Variants in PCDHGA8 observed in about 807,000 individuals in gnomAD.
The protein encoded by PCDHGA8 is protocadherin gamma subfamily A, 8.
A neutral mutation model predicts 59.2 loss-of-function variants in PCDHGA8; 45 were observed. The ratio of observed to expected loss-of-function variants is 0.76; its 90% CI spans 0.60 to 0.98. The LOEUF is 0.98. PCDHGA8 is among the 50% of genes least tolerant of loss of function. The pLI is 0.00. For synonymous variants in PCDHGA8, 531 were observed against 519.0 expected (o/e 1.02, Z -0.32); for missense variants, 1,257 against 1,196.2 (o/e 1.05, Z -0.75).
Position 141,489,276 on chromosome 5 carries a change from AT to A in PCDHGA8, c.2425-5530del, listed in dbSNP as rs2099684949. 1.9e-6 allele frequency: 3 copies of A among 1,556,004 alleles called. No homozygotes were observed. Among genetic ancestry groups the A allele is most frequent in the Non-Finnish European group, 2.6e-6 (3 of 1,151,570 alleles). ...AGACACTCCCACAGCTCGCTGGGAA[AT>A]GGCAAGTGCTGTGCATGTTGTCCTT... On this transcript the variant is annotated intron_variant, in intron 1 of 3. Coordinates refer to ENST00000398604, the MANE Select transcript of PCDHGA8 (RefSeq NM_032088.2). This position sits in a 1 kb window ranked among gnomAD's most constrained non-coding sequence, Gnocchi z 4.5.
Position 141,486,979 on chromosome 5 carries a change from C to T in PCDHGA8, c.2425-7828C>T. On this transcript the variant is annotated intron_variant, in intron 1 of 3. Transcript: ENST00000398604. This position sits in a 1 kb window ranked among gnomAD's most constrained non-coding sequence, Gnocchi z 5.0. ...CTGCTGTGGACTTGGATTCAGGTTACAATGCTTGGGTTTCCTATCAGCTCC... is the reference window on the plus strand; with the variant it reads ...CTGCTGTGGACTTGGATTCAGGTTATAATGCTTGGGTTTCCTATCAGCTCC... 6.2e-7 allele frequency: 1 copy of T among 1,614,200 alleles called. No individual in the cohort carries two copies. Among genetic ancestry groups the T allele is most frequent in the Non-Finnish European group, 8.5e-7 (1 of 1,180,032 alleles).
Position 141,511,035 on chromosome 5 carries a change from C to A in PCDHGA8, c.2661C>A (p.His887Gln). Residue 887 changes from histidine to glutamine, a missense_variant, in exon 4 of 4, where the codon CAC becomes CAA. Physicochemically the swap from His to Gln is conservative, Grantham distance 24 (BLOSUM62 0). Transcript: ENST00000398604. The stretch of plus-strand genomic sequence containing the variant: ...ACGGACCCCAGTTCACCCTGCAGCA[C>A]GTGCCCGACTACCGCCAGAATGTCT... ...ARYGPQFTLQ[H>Q]VPDYRQNVYI... 2 of 1,614,208 alleles carry A rather than the reference C, an allele frequency of 1.2e-6. No individual in the cohort carries two copies. The highest frequency in any genetic ancestry group is 1.1e-5 in the South Asian group (1 of 91,088).
intron 1 of PCDHGA8, chr5:141,419,140 G>A (rs1359933027): frequency 1.2e-6 from 2 of 1,613,750 alleles, no homozygotes; most frequent in East Asian, 2.2e-5. Flanking sequence ...CCACAGACAG[G>A]GGCAAGCCTC....
At chr5:141,484,102 A>T (rs1404220648) in intron 1 of PCDHGA8, among the ~76,000 whole-genome samples, 1 of 152,206 alleles carries the variant, frequency 6.6e-6, no homozygotes, top group African/African-American at 2.4e-5. Flanking sequence ...GTTGGTAATT[A>T]ACAAAAGATC....
chr5:141,430,155 A>G (rs1440666899), intron 1 of PCDHGA8, among the ~76,000 whole-genome samples: 7 of 152,184 alleles, frequency 4.6e-5, no homozygotes, highest in Admixed American at 1.3e-4. Flanking sequence ...CATTCAAGGA[A>G]TCTATTTAAA....
intron 1 of PCDHGA8, chr5:141,409,866 G>A (rs1268327848): frequency 3.7e-6 from 6 of 1,612,258 alleles, no homozygotes; most frequent in East Asian, 4.5e-5. Context: ...GTGGGAGACC[G>A]CAATGACAAC....
chr5:141,414,289 C>T (rs1435700383), intron 1 of PCDHGA8: 1 of 1,613,394 alleles, frequency 6.2e-7, no homozygotes, highest in African/African-American at 1.3e-5. Flanking sequence ...AGTCGTAGCC[C>T]TTTTAAATGT....
intron 1 of PCDHGA8, chr5:141,422,819 TGA>T (rs766395950): frequency 1.9e-5 from 31 of 1,614,068 alleles, no homozygotes; most frequent in Middle Eastern, 1.6e-4. Flanking sequence ...GACTTAGAAC[TGA>T]GAGTGATAGC....
In PCDHGA8 at chr5:141,393,602, T is replaced by G; in HGVS notation, c.789T>G (p.Thr263=). 1 of 1,613,892 alleles carries G rather than the reference T, an allele frequency of 6.2e-7. No individual in the cohort carries two copies. The highest frequency in any genetic ancestry group is 8.5e-7 in the Non-Finnish European group (1 of 1,179,892). Residue 263 remains threonine (T), a synonymous_variant, in exon 1 of 4, where the codon ACT becomes ACG. Coordinates refer to ENST00000398604, the MANE Select transcript of PCDHGA8 (RefSeq NM_032088.2). ...TGCCCCCAGGCACGCGGCTGCTTAC[T>G]GTAACAGCCAGCGACCCGGATGAGG... ...ENMPPGTRLL[T]VTASDPDEGI... is the part of the protein sequence containing the mutation.
rs187495695 is a variant in PCDHGA8, at chr5:141,486,508, T to G, written c.2425-8299T>G. The G allele has an allele frequency of 9.3e-6, 15 of 1,614,172 alleles. No homozygotes were observed. In the Admixed American group the frequency reaches 2.5e-4, roughly 27 times the overall value. The stretch of plus-strand genomic sequence containing the variant: ...CCCACAGAACTATTTTCCTCAATAT[T>G]TCAGATGTGAATGATAATCCACCCT... On this transcript the variant is annotated intron_variant, in intron 1 of 3. Coordinates refer to ENST00000398604, the MANE Select transcript of PCDHGA8 (RefSeq NM_032088.2). The surrounding 1 kb of genome is among the most constrained non-coding windows in gnomAD (Gnocchi z 5.0).
chr5:141,417,782 C>T (rs2096161767), intron 1 of PCDHGA8: 1 of 1,473,310 alleles, frequency 6.8e-7, no homozygotes, highest in Non-Finnish European at 9.0e-7. Flanking sequence ...CTGTCCTGGG[C>T]CGAATGCTCT....
At chr5:141,408,716 A>G in intron 1 of PCDHGA8, 2 of 1,611,732 alleles carry the variant, frequency 1.2e-6, no homozygotes, top group East Asian at 2.2e-5. Context: ...AGATTATAAG[A>G]TAAACTCTAA....
rs200868391 is a variant in PCDHGA8 at position 141,415,586 on chromosome 5, C to T, written c.2424+20349C>T. 540 of 1,613,746 alleles carry T rather than the reference C, an allele frequency of 3.3e-4. No individual in the cohort carries two copies. Among genetic ancestry groups the T allele is most frequent in the Non-Finnish European group, 4.5e-4 (527 of 1,179,996 alleles). ...TCTTTGTTAGATGATTCGAAGTTTCCTATAGAGGATACCCCATTGGTTCCA... is the reference window on the plus strand; with the variant it reads ...TCTTTGTTAGATGATTCGAAGTTTCTTATAGAGGATACCCCATTGGTTCCA... On this transcript the variant is annotated intron_variant, in intron 1 of 3. Coordinates refer to ENST00000398604, the MANE Select transcript of PCDHGA8 (RefSeq NM_032088.2).
intron 1 of PCDHGA8, among the ~76,000 whole-genome samples, chr5:141,407,274 A>G (rs763803896): frequency 2.0e-5 from 3 of 152,232 alleles, no homozygotes; most frequent in Non-Finnish European, 2.9e-5. Context: ...GCAACAAGAA[A>G]ATTGTTACAA....
chr5:141,414,486 AACGG>A, intron 1 of PCDHGA8: 1 of 1,613,938 alleles, frequency 6.2e-7, no homozygotes, highest in Non-Finnish European at 8.5e-7. Flanking sequence ...CTCCTCTATC[AACGG>A]AAGCTCACTT....
chr5:141,503,471 C>A (rs2099820129), intron 2 of PCDHGA8, among the ~76,000 whole-genome samples: 1 of 151,836 alleles, frequency 6.6e-6, no homozygotes, highest in African/African-American at 2.4e-5. Context: ...GGCATGTGTG[C>A]ACTTGTCGTC....
At chr5:141,497,742 T>C (rs2099779149) in intron 2 of PCDHGA8, among the ~76,000 whole-genome samples, 1 of 152,128 alleles carries the variant, frequency 6.6e-6, no homozygotes, top group South Asian at 2.1e-4. Context: ...TTTCGCCACG[T>C]TGGCCAGGCT....
At chr5:141,495,286 A>T (rs1341490472) in intron 2 of PCDHGA8, among the ~76,000 whole-genome samples, 2 of 152,088 alleles carry the variant, frequency 1.3e-5, no homozygotes, top group Non-Finnish European at 2.9e-5. Context: ...GGCGGTCCGC[A>T]CTCAGCGCCT....
At chr5:141,403,342 C>T (rs766669117) in intron 1 of PCDHGA8, 4 of 1,613,976 alleles carry the variant, frequency 2.5e-6, no homozygotes, top group African/African-American at 1.3e-5. Context: ...ACGACAGCGC[C>T]CCAAAGTTCC....
Sources: allele counts gnomAD v4.1 joint callset (sites outside exome capture counted in the v4.1 genomes callset), GRCh38; gene constraint gnomAD v4.1.1; non-coding constraint Gnocchi (gnomAD v3.1); transcripts MANE v1.5; gene names NCBI Gene and HGNC (gene_info 2026-07-23, HGNC 2026-07-21).